LRRC8C: variants seen among roughly 807,000 people sequenced by gnomAD.
LRRC8C encodes volume-regulated anion channel subunit LRRC8C.
Under a neutral mutation model 55.3 loss-of-function variants are expected in LRRC8C, and 20 were observed. The observed-to-expected ratio is 0.36, with a 90% CI of 0.25 to 0.53. The LOEUF is 0.53. Ranked by LOEUF, LRRC8C falls within the 20% of genes least tolerant of loss-of-function variation. LRRC8C has a pLI of 0.92. For missense variants in LRRC8C, 659 were observed against 951.4 expected, an observed-to-expected ratio of 0.69 and a Z score of 4.04; for synonymous variants, 376 against 360.7, an observed-to-expected ratio of 1.04 and a Z score of -0.48.
At chr1:89,680,234 C>T (rs1485834202) in intron 1 of LRRC8C, among the ~76,000 whole-genome samples, 5 of 152,024 alleles carry the variant, frequency 3.3e-5, no homozygotes, top group African/African-American at 4.8e-5. Flanking sequence ...CTCACCACTA[C>T]GCCCGGCTAA....
intron 2 of LRRC8C, among the ~76,000 whole-genome samples, chr1:89,710,461 A>C (rs908332823): frequency 6.6e-6 from 1 of 152,196 alleles, no homozygotes; most frequent in African/African-American, 2.4e-5. Context: ...TGACATATTG[A>C]TTGATGTGGA....
chr1:89,654,823 A>G (rs747167487), intron 1 of LRRC8C, among the ~76,000 whole-genome samples: 7 of 149,816 alleles, frequency 4.7e-5, no homozygotes, highest in Non-Finnish European at 8.9e-5. Flanking sequence ...CCCAATGTTC[A>G]TGACAGTATG....
rs766124239 is a variant in LRRC8C, at chr1:89,714,717, A to G, written c.2147A>G (p.Asn716Ser). 7 of 1,614,056 alleles carry G rather than the reference A, an allele frequency of 4.3e-6. No homozygotes were observed. The highest frequency in any genetic ancestry group is 5.9e-6 in the Non-Finnish European group (7 of 1,180,030). ...QSLQYFSITC[N>S]KVESLPDELY... is the part of the protein sequence containing the mutation. Reference sequence around the variant, plus strand: ...TTACAGTATTTTTCCATCACATGTAACAAAGTGGAAAGCCTTCCAGATGAA... The same window carrying G: ...TTACAGTATTTTTCCATCACATGTAGCAAAGTGGAAAGCCTTCCAGATGAA... Residue 716 changes from asparagine to serine, a missense_variant, in exon 3 of 3, where the codon AAC (asparagine) becomes AGC (serine). By Grantham distance (46) the Asn-to-Ser change is conservative. Transcript: ENST00000370454. The surrounding 1 kb of genome is among the most constrained non-coding windows in gnomAD (Gnocchi z 4.6).
At chr1:89,660,537 C>A (rs777352465) in intron 1 of LRRC8C, among the ~76,000 whole-genome samples, 140 of 152,194 alleles carry the variant, frequency 9.2e-4, no homozygotes, top group Non-Finnish European at 2.5e-4. Context: ...TATTTCCCCC[C>A]AGATGTTCCC....
Position 89,714,799 on chromosome 1 carries a change from A to C in LRRC8C, c.2229A>C (p.Val743=), listed in dbSNP as rs769922245. ...TLKIGKNSLS[V]LSPKIGNLLF... ...AGATTGGAAAAAACAGCCTATCTGT[A>C]CTTTCACCGAAAATTGGAAATTTGC... Residue 743 remains valine (V), a synonymous_variant, in exon 3 of 3, where the codon GTA becomes GTC. Coordinates refer to ENST00000370454, the MANE Select transcript of LRRC8C (RefSeq NM_032270.5). The surrounding 1 kb of genome is among the most constrained non-coding windows in gnomAD (Gnocchi z 4.6). 1.2e-6 allele frequency: 2 copies of C among 1,614,054 alleles called. No homozygotes were observed. The highest frequency in any genetic ancestry group is 3.3e-5 in the Admixed American group (2 of 59,994).
chr1:89,659,060 TTTGTGTGTG>T lies in LRRC8C; in HGVS notation c.-5+25740_-5+25748del, dbSNP rs1228734091. Among the ~76,000 whole-genome samples the T allele has an allele frequency of 1.3e-4, 7 of 54,018 alleles. 1 individual carries two copies. The highest frequency in any genetic ancestry group is 2.5e-4 in the Non-Finnish European group (6 of 24,340). The allele number at this position is 54,018 out of a possible 152,430, so 35.4% of individuals were successfully genotyped here. On this transcript the variant is annotated intron_variant, in intron 1 of 2. Coordinates refer to ENST00000370454, the MANE Select transcript of LRRC8C (RefSeq NM_032270.5). ...GTGTCTTCTCCAGGTTTTTTTTTTTTTTGTGTGTGTGTGTGTGTGTGTGTGTGTGTGTGT... is the reference window on the plus strand; with the variant it reads ...GTGTCTTCTCCAGGTTTTTTTTTTTTTGTGTGTGTGTGTGTGTGTGTGTGT...
At chr1:89,652,812 C>T (rs137864823) in intron 1 of LRRC8C, among the ~76,000 whole-genome samples, 48 of 152,088 alleles carry the variant, frequency 3.2e-4, no homozygotes, top group African/African-American at 1.1e-3. Flanking sequence ...AAGGGGGAAT[C>T]GTTGCAATAT....
intron 1 of LRRC8C, among the ~76,000 whole-genome samples, chr1:89,658,934 T>A (rs1185944939): frequency 6.6e-6 from 1 of 151,936 alleles, no homozygotes; most frequent in East Asian, 1.9e-4. Context: ...AACAAATTTT[T>A]AAAAAAAGTA....
intron 1 of LRRC8C, among the ~76,000 whole-genome samples, chr1:89,637,691 C>T (rs1311612795): frequency 5.3e-5 from 8 of 151,988 alleles, no homozygotes; most frequent in South Asian, 4.2e-4. Context: ...CAGCACAGAG[C>T]AACAAGAGTG....
rs1557672214 is a variant in LRRC8C at position 89,714,932 on chromosome 1, C to G, written c.2362C>G (p.Leu788Val). 2 of 1,598,862 alleles carry G rather than the reference C, an allele frequency of 1.3e-6. No individual in the cohort carries two copies. The highest frequency in any genetic ancestry group is 1.8e-5 in the Admixed American group (1 of 55,786). The change falls in exon 3 of 3, where the codon CTG (leucine) becomes GTG (valine). Residue 788 changes from leucine to valine, a missense_variant. Leu to Val is a conservative substitution (Grantham distance 32). Transcript: ENST00000370454. The surrounding 1 kb of genome is among the most constrained non-coding windows in gnomAD (Gnocchi z 4.6). ...KRAGLVVEDA[L>V]FETLPSDVRE... Reference sequence around the variant, plus strand: ...AGCTGGTTTAGTTGTAGAAGATGCTCTGTTTGAAACTCTGCCTTCTGACGT... The same window carrying G: ...AGCTGGTTTAGTTGTAGAAGATGCTGTGTTTGAAACTCTGCCTTCTGACGT...
At chr1:89,712,217 A>G (rs1046363354) in intron 2 of LRRC8C, among the ~76,000 whole-genome samples, 10 of 152,166 alleles carry the variant, frequency 6.6e-5, no homozygotes, top group African/African-American at 1.9e-4. Flanking sequence ...GGTTCAAGCA[A>G]TTCTCCTGCC....
chr1:89,623,546 T>C, the LRRC8C span, among the ~76,000 whole-genome samples: 79,727 of 151,810 alleles, frequency 0.53, 22,107 homozygotes, highest in East Asian at 0.74. Flanking sequence ...CACAGTGAAA[T>C]CCCGTCTCTA....
upstream of LRRC8C, among the ~76,000 whole-genome samples, chr1:89,630,487 G>A (rs1447669831): frequency 6.6e-6 from 1 of 152,152 alleles, no homozygotes; most frequent in Non-Finnish European, 1.5e-5. Context: ...TTTAGTGTGA[G>A]AACTACTAAC....
At chr1:89,618,771 TATAG>T in the LRRC8C span, among the ~76,000 whole-genome samples, 1 of 152,234 alleles carries the variant, frequency 6.6e-6, no homozygotes, top group African/African-American at 2.4e-5. Flanking sequence ...AGCCAAGTAA[TATAG>T]ATAAAGTGGC....
intron 1 of LRRC8C, among the ~76,000 whole-genome samples, chr1:89,674,921 A>G (rs1191226915): frequency 3.9e-5 from 6 of 152,216 alleles, no homozygotes; most frequent in Admixed American, 3.9e-4. Context: ...GTTTCTGTGC[A>G]GTGTTACTTT....
Position 89,706,287 on chromosome 1 carries a change from T to A in LRRC8C, c.139-6422T>A, listed in dbSNP as rs963409914. The A allele has an allele frequency of 1.8e-5, 8 of 456,102 alleles. No homozygotes were observed. The Admixed American group carries it at 1.9e-4, about 11-fold the overall frequency. 28.3% of individuals were successfully genotyped at this position (456,102 alleles called of 1,614,324 possible). ...AGATAAGCTGCCTTCGTTTATATGT[T>A]CTTTGTTATTTCAGGCAGTTTCTCT... On this transcript the variant is annotated intron_variant, in intron 2 of 2. Transcript: ENST00000370454.
At chr1:89,690,053 G>C (rs1657987561) in intron 2 of LRRC8C, among the ~76,000 whole-genome samples, 1 of 152,130 alleles carries the variant, frequency 6.6e-6, no homozygotes, top group Non-Finnish European at 1.5e-5. Context: ...TCAACGTGGA[G>C]ATATTAAGTA....
intron 2 of LRRC8C, among the ~76,000 whole-genome samples, chr1:89,689,348 G>A (rs12064617): frequency 0.018 from 2,803 of 152,286 alleles, 28 homozygotes; most frequent in African/African-American, 0.023. Context: ...GCCAGATCAC[G>A]TAGGGCCTTC....
At position 89,714,985 on chromosome 1, in the gene LRRC8C, T is replaced by C. The variant is rs1658774740; in HGVS notation, c.*3T>C. 1 of 1,559,730 alleles carries C rather than the reference T, an allele frequency of 6.4e-7. No homozygotes were observed. Among genetic ancestry groups the C allele is most frequent in the South Asian group, 1.2e-5 (1 of 82,646 alleles). On this transcript the variant is annotated 3_prime_UTR_variant, in exon 3 of 3. Coordinates refer to ENST00000370454, the MANE Select transcript of LRRC8C (RefSeq NM_032270.5). This position sits in a 1 kb window ranked among gnomAD's most constrained non-coding sequence, Gnocchi z 4.6. ...GGGAGCAAATGAAAACAGAATAACTTATTTTTCGTTAAAGTTTGACTGAAA... is the reference window on the plus strand; with the variant it reads ...GGGAGCAAATGAAAACAGAATAACTCATTTTTCGTTAAAGTTTGACTGAAA...
Sources: allele counts gnomAD v4.1 joint callset (sites outside exome capture counted in the v4.1 genomes callset), GRCh38; gene constraint gnomAD v4.1.1; non-coding constraint Gnocchi (gnomAD v3.1); transcripts MANE v1.5; gene names NCBI Gene and HGNC (gene_info 2026-07-23, HGNC 2026-07-21).